The following BPIFB2 variants were observed in gnomAD, a reference collection of about 807,000 sequenced individuals.
BPIFB2 encodes the protein BPI fold-containing family B member 2.
In BPIFB2, 39 loss-of-function variants were observed where a neutral mutation model predicts 50.1. That is an observed-to-expected ratio of 0.78 (90% confidence interval 0.60 to 1.02). The LOEUF (loss-of-function observed/expected upper bound fraction) is 1.02, where lower values mean the gene tolerates loss of function less well. Ranked by LOEUF, BPIFB2 falls within the 50% of genes least tolerant of loss-of-function variation. BPIFB2 has a pLI of 0.00. For missense variants in BPIFB2, 574 were observed against 585.8 expected (o/e 0.98, Z 0.21); for synonymous variants, 280 against 256.3 (o/e 1.09, Z -0.88).
At chr20:33,015,340 G>A in intron 5 of BPIFB2, 96 bp from the exon 6 acceptor site, 2 of 1,155,746 alleles carry the variant, frequency 1.7e-6, no homozygotes, top group South Asian at 3.0e-5. Flanking sequence ...TCCTGGCTGA[G>A]GATAGAGACT....
intron 15 of BPIFB2, 91 bp downstream of exon 15, chr20:33,021,890 C>A: frequency 7.8e-7 from 1 of 1,275,598 alleles, no homozygotes; most frequent in Non-Finnish European, 1.1e-6. Flanking sequence ...CCCTCTGTGG[C>A]TGCCAAAACC....
intron 1 of BPIFB2, among the ~76,000 whole-genome samples, 185 bp downstream of exon 1, chr20:33,007,945 C>T (rs1467434954): frequency 6.6e-6 from 1 of 152,244 alleles, no homozygotes; most frequent in Non-Finnish European, 1.5e-5. Flanking sequence ...CAGTCCCTCA[C>T]TCCTGCCTGG....
chr20:33,019,110 C>T lies in BPIFB2; in HGVS notation c.904C>T (p.Pro302Ser). Residue 302 changes from proline to serine, a missense_variant, in exon 10 of 16, where the codon CCG becomes TCG. Physicochemically the swap from Pro to Ser is moderately conservative, Grantham distance 74. Transcript: ENST00000170150. ...CACCTCTGCTCTGGGCCGGCTCATC[C>T]CGGAGGTCGGTGATGTTTCTGATCA... ...LNTSALGRLI[P>S]EVARQFPEPM... 1.9e-6 allele frequency: 3 copies of T among 1,614,116 alleles called. No homozygotes were observed. The highest frequency in any genetic ancestry group is 2.2e-5 in the South Asian group (2 of 91,084).
At chr20:33,019,550 G>T in intron 10 of BPIFB2, 30 bp from the exon 11 acceptor site, 1 of 1,554,488 alleles carries the variant, frequency 6.4e-7, no homozygotes. Context: ...CGCTGCCTCA[G>T]CAGGGCCTCC....
At chr20:33,014,014 G>C in intron 5 of BPIFB2, 58 bp downstream of exon 5, 1 of 1,573,540 alleles carries the variant, frequency 6.4e-7, no homozygotes, top group Non-Finnish European at 8.7e-7. Context: ...CTGTGCTGCT[G>C]TTTCCTGAGC....
chr20:33,008,728 C>T (rs770882531), intron 2 of BPIFB2, 45 bp downstream of exon 2: 43 of 1,466,710 alleles, frequency 2.9e-5, no homozygotes, highest in Admixed American at 4.1e-5. Flanking sequence ...CCTGTACATG[C>T]GTGTGCAATC....
At chr20:33,022,706 A>T (rs1407746011) in intron 15 of BPIFB2, among the ~76,000 whole-genome samples, 2 of 152,238 alleles carry the variant, frequency 1.3e-5, no homozygotes, top group Non-Finnish European at 2.9e-5. Flanking sequence ...GGCTAGTGCA[A>T]CTGTGGACCT....
At chr20:33,012,404 G>A (rs1459041076) in intron 3 of BPIFB2, among the ~76,000 whole-genome samples, 1 of 152,158 alleles carries the variant, frequency 6.6e-6, no homozygotes, top group South Asian at 2.1e-4. Context: ...GCTTTGAAGT[G>A]GGGGAGCTTC....
chr20:33,018,494 G>C (rs1012853359), intron 8 of BPIFB2, 143 bp from the exon 9 acceptor site: 2 of 1,297,818 alleles, frequency 1.5e-6, no homozygotes, highest in Non-Finnish European at 2.2e-6. Context: ...TGCCACACAG[G>C]CGAAAGTGTG....
chr20:33,015,364 G>T, intron 5 of BPIFB2, 72 bp from the exon 6 acceptor site: 4 of 1,393,510 alleles, frequency 2.9e-6, no homozygotes, highest in Non-Finnish European at 4.0e-6. Context: ...CTTCCCAGAC[G>T]TGCGACTGTG....
In BPIFB2 at chr20:33,009,899, C is replaced by T. The variant is rs1990262922; in HGVS notation, c.110-1125C>T. 6.6e-6 allele frequency among the ~76,000 whole-genome samples: 1 copy of T among 152,248 alleles called. No individual in the cohort carries two copies. Among genetic ancestry groups the T allele is most frequent in the Non-Finnish European group, 1.5e-5 (1 of 68,048 alleles). ...CCTCCCCACCCCATCCTGCAAGCCC[C>T]AGAGTTCAAACCCTGCGTCAAGGGA... On this transcript the variant is annotated intron_variant, in intron 2 of 15. Coordinates refer to ENST00000170150, the MANE Select transcript of BPIFB2 (RefSeq NM_025227.3). The surrounding 1 kb of genome is among the most constrained non-coding windows in gnomAD (Gnocchi z 4.2).
At chr20:33,011,178 C>G in intron 3 of BPIFB2, 61 bp downstream of exon 3, 1 of 1,524,652 alleles carries the variant, frequency 6.6e-7, no homozygotes, top group Non-Finnish European at 9.1e-7. Flanking sequence ...TTCCTGCTTG[C>G]CAGGTGGGTG....
chr20:33,018,196 A>G, intron 7 of BPIFB2, 63 bp from the exon 8 acceptor site: 1 of 1,254,374 alleles, frequency 8.0e-7, no homozygotes, highest in South Asian at 1.3e-5. Context: ...TTCTGGATAG[A>G]TGAAACGTTG....
At chr20:33,019,267 C>A in intron 10 of BPIFB2, 152 bp downstream of exon 10, 1 of 971,436 alleles carries the variant, frequency 1.0e-6, no homozygotes, top group Non-Finnish European at 1.6e-6. Context: ...GAGGCTCTAA[C>A]TTCTGCCCAG....
At position 33,008,546 on chromosome 20, in the gene BPIFB2, A is replaced by G; in HGVS notation, c.-29A>G. 5 of 1,547,928 alleles carry G rather than the reference A, an allele frequency of 3.2e-6. No homozygotes were observed. Among genetic ancestry groups the G allele is most frequent in the Admixed American group, 3.8e-5 (2 of 52,470 alleles). On this transcript the variant is annotated 5_prime_UTR_variant, in exon 2 of 16. Coordinates refer to ENST00000170150, the MANE Select transcript of BPIFB2 (RefSeq NM_025227.3). ...GATGCTCATTTCTACCCCAGCCCAC[A>G]GATCCTGTGGGCAGCGGCCAGGGCA...
At chr20:33,011,177 G>T in intron 3 of BPIFB2, 60 bp downstream of exon 3, 1 of 1,535,082 alleles carries the variant, frequency 6.5e-7, no homozygotes, top group Non-Finnish European at 9.0e-7. Flanking sequence ...GTTCCTGCTT[G>T]CCAGGTGGGT....
chr20:33,017,150 T>A (rs1468815478), intron 7 of BPIFB2, 48 bp downstream of exon 7: 1 of 1,577,316 alleles, frequency 6.3e-7, no homozygotes, highest in African/African-American at 1.3e-5. Flanking sequence ...TGGGACCCCC[T>A]GGAGCCCCTA....
Position 33,012,818 on chromosome 20 carries a change from T to C in BPIFB2, c.219T>C (p.Asn73=), listed in dbSNP as rs149802409. ...TACCCTGCAGGATCCGGATTCTGAA[T>C]GTCCATGTGCCCCGCCTCCACCTGA... The part of the protein sequence containing the change: ...ALQPTRIRIL[N]VHVPRLHLKF... Residue 73 remains asparagine, a synonymous_variant, in exon 4 of 16, where the codon AAT becomes AAC. Transcript: ENST00000170150. 2.0e-5 allele frequency: 33 copies of C among 1,613,662 alleles called. No individual in the cohort carries two copies. The highest frequency in any genetic ancestry group is 2.6e-5 in the Non-Finnish European group (31 of 1,179,694).
intron 6 of BPIFB2, 125 bp from the exon 7 acceptor site, chr20:33,016,917 G>A (rs1978450544): frequency 6.1e-6 from 5 of 820,330 alleles, no homozygotes; most frequent in African/African-American, 1.7e-5. Context: ...TGGAGGAAGG[G>A]ATTCCAGGCA....
Sources: allele counts gnomAD v4.1 joint callset (sites outside exome capture counted in the v4.1 genomes callset), GRCh38; gene constraint gnomAD v4.1.1; non-coding constraint Gnocchi (gnomAD v3.1); transcripts MANE v1.5; gene names NCBI Gene and HGNC (gene_info 2026-07-23, HGNC 2026-07-21).